The following SRBD1 variants were observed in gnomAD, a reference collection of about 807,000 sequenced individuals.
The protein encoded by SRBD1 is S1 RNA binding domain 1.
Under a neutral mutation model 115.3 loss-of-function variants are expected in SRBD1, and 88 were observed. That is an observed-to-expected ratio of 0.76 (90% CI 0.64 to 0.91). The LOEUF is 0.91. Among genes scored for constraint, SRBD1 ranks in the 40% least tolerant of loss-of-function variants. SRBD1 has a pLI of 0.00. For synonymous variants in SRBD1, 509 were observed against 407.7 expected, an observed-to-expected ratio of 1.25 and a Z score of -2.99; for missense variants, 1,385 against 1,177.4, an observed-to-expected ratio of 1.18 and a Z score of -2.58.
chr2:45,515,204 C>CA (rs1488394359), intron 14 of SRBD1, among the ~76,000 whole-genome samples: 1 of 152,130 alleles, frequency 6.6e-6, no homozygotes, highest in Non-Finnish European at 1.5e-5. Context: ...TGAGTGTTAA[C>CA]ATTTGCAGTT....
intron 18 of SRBD1, among the ~76,000 whole-genome samples, chr2:45,416,092 A>G (rs889391283): frequency 6.6e-5 from 10 of 152,178 alleles, no homozygotes; most frequent in Admixed American, 2.6e-4. Context: ...GTAAAAGGAA[A>G]AGAAGAATCA....
chr2:45,452,436 A>G (rs568047974), intron 16 of SRBD1, among the ~76,000 whole-genome samples: 1 of 152,122 alleles, frequency 6.6e-6, no homozygotes, highest in East Asian at 1.9e-4. Context: ...ATTTGTATAT[A>G]AAATTAATTA....
At chr2:45,573,114 T>A in intron 9 of SRBD1, 93 bp downstream of exon 9, 1 of 1,319,654 alleles carries the variant, frequency 7.6e-7, no homozygotes, top group Non-Finnish European at 1.0e-6. Flanking sequence ...ACAGTTGACA[T>A]AAAATTATTT....
chr2:45,543,150 T>A (rs936120281), intron 14 of SRBD1, among the ~76,000 whole-genome samples: 5 of 152,242 alleles, frequency 3.3e-5, no homozygotes, highest in African/African-American at 4.8e-5. Flanking sequence ...ACATTTCAAC[T>A]TCAACTATCA....
chr2:45,598,434 G>GAAACCCTGTCTCTACTAAAAAT (rs1673974935), intron 4 of SRBD1, among the ~76,000 whole-genome samples: 1 of 151,978 alleles, frequency 6.6e-6, no homozygotes, highest in African/African-American at 2.4e-5. Flanking sequence ...CTAACACGGT[G>GAAACCCTGTCTCTACTAAAAAT]AAACCCTGTC....
At chr2:45,451,204 A>G (rs1454310071) in intron 16 of SRBD1, among the ~76,000 whole-genome samples, 3 of 151,810 alleles carry the variant, frequency 2.0e-5, no homozygotes, top group Non-Finnish European at 2.9e-5. Flanking sequence ...GTCTTGGACT[A>G]TTTTTTTTAA....
intron 9 of SRBD1, among the ~76,000 whole-genome samples, chr2:45,566,522 A>G (rs1460742861): frequency 6.6e-6 from 1 of 152,214 alleles, no homozygotes; most frequent in East Asian, 1.9e-4. Context: ...TAGAGATAGA[A>G]AGTTGGCTGC....
chr2:45,548,865 G>C (rs1214598420), intron 12 of SRBD1: 1 of 152,212 alleles, frequency 6.6e-6, no homozygotes. Context: ...CTCCAAAAAA[G>C]CAGGTGGGAA....
chr2:45,536,389 T>C (rs1427107257), intron 14 of SRBD1, among the ~76,000 whole-genome samples: 1 of 152,028 alleles, frequency 6.6e-6, no homozygotes, highest in African/African-American at 2.4e-5. Context: ...CTCTAATAGG[T>C]AGAAGACTTG....
chr2:45,575,685 A>C (rs1181837202), intron 7 of SRBD1, among the ~76,000 whole-genome samples: 12 of 152,160 alleles, frequency 7.9e-5, no homozygotes, highest in African/African-American at 1.4e-4. Context: ...GTTGACCTTT[A>C]AACAACATGG....
intron 14 of SRBD1, among the ~76,000 whole-genome samples, chr2:45,503,019 C>T (rs184018138): frequency 6.6e-6 from 1 of 152,230 alleles, no homozygotes; most frequent in Admixed American, 6.5e-5. Flanking sequence ...TAGGCCCACA[C>T]TCTGAGAATC....
intron 14 of SRBD1, among the ~76,000 whole-genome samples, chr2:45,503,119 A>C (rs955513064): frequency 1.3e-5 from 2 of 152,240 alleles, no homozygotes; most frequent in Non-Finnish European, 2.9e-5. Context: ...CCAGCTGCAC[A>C]ATACATAAAT....
At chr2:45,542,913 A>G (rs1052110403) in intron 14 of SRBD1, among the ~76,000 whole-genome samples, 2 of 152,234 alleles carry the variant, frequency 1.3e-5, no homozygotes, top group African/African-American at 4.8e-5. Flanking sequence ...AAATCTCAAA[A>G]TAATCATGCT....
At chr2:45,480,969 C>T (rs1669945920) in intron 15 of SRBD1, among the ~76,000 whole-genome samples, 1 of 152,158 alleles carries the variant, frequency 6.6e-6, no homozygotes, top group African/African-American at 2.4e-5. Flanking sequence ...TCATTGTTGT[C>T]TTATTTTAAG....
chr2:45,457,413 G>T (rs908274464), intron 16 of SRBD1, among the ~76,000 whole-genome samples: 9 of 151,950 alleles, frequency 5.9e-5, no homozygotes, highest in Non-Finnish European at 1.0e-4. Context: ...TAGGACAACA[G>T]ATTTTGGCCA....
chr2:45,465,701 T>C (rs1669466469), intron 16 of SRBD1, among the ~76,000 whole-genome samples: 2 of 152,222 alleles, frequency 1.3e-5, no homozygotes, highest in Admixed American at 1.3e-4. Context: ...GCTACACTTT[T>C]TAATGTAACC....
In SRBD1 at chr2:45,392,950, C is replaced by G; in HGVS notation, c.2693G>C (p.Arg898Pro). The change falls in exon 20 of 21, where the codon CGA becomes CCA. Residue 898 changes from arginine (R) to proline (P), a missense_variant. Physicochemically the swap from Arg to Pro is moderately radical, Grantham distance 103. Coordinates refer to ENST00000263736, the MANE Select transcript of SRBD1 (RefSeq NM_018079.5). ...ATTCAAGTTCAACTGTTTACCTGTT[C>G]GAAAGTCAAAGCTTTCAGGCTGGCT... ...GLSQPESFDF[R>P]TDFDKPDFKR... 1 of 1,601,632 alleles carries G rather than the reference C, an allele frequency of 6.2e-7. No homozygotes were observed. The highest frequency in any genetic ancestry group is 8.5e-7 in the Non-Finnish European group (1 of 1,173,590).
At chr2:45,517,915 C>G (rs1406652615) in intron 14 of SRBD1, among the ~76,000 whole-genome samples, 1 of 151,862 alleles carries the variant, frequency 6.6e-6, no homozygotes, top group African/African-American at 2.4e-5. Flanking sequence ...GTTGGAGGAT[C>G]CCTTGAGCCT....
In SRBD1 at chr2:45,434,990, A is replaced by T. The variant is rs922489754; in HGVS notation, c.2050-15096T>A. Among the ~76,000 whole-genome samples, 4 of 150,916 alleles carry T rather than the reference A, an allele frequency of 2.7e-5. No individual in the cohort carries two copies. In the East Asian group the frequency reaches 7.8e-4, roughly 29 times the overall value. On this transcript the variant is annotated intron_variant, in intron 16 of 20. Transcript: ENST00000263736. ...CTGTGTCCACGTGTTCTCATCGTTCAATTCCCACCTATGACTGAGAACATG... is the reference window on the plus strand; with the variant it reads ...CTGTGTCCACGTGTTCTCATCGTTCTATTCCCACCTATGACTGAGAACATG...
Sources: allele counts gnomAD v4.1 joint callset (sites outside exome capture counted in the v4.1 genomes callset), GRCh38; gene constraint gnomAD v4.1.1; transcripts MANE v1.5; gene names NCBI Gene and HGNC (gene_info 2026-07-23, HGNC 2026-07-21).